ZNF141: variants seen among roughly 807,000 people sequenced by gnomAD.
ZNF141 encodes the protein zinc finger protein 141 (clone pHZ-44).
Under a neutral mutation model 11.3 loss-of-function variants are expected in ZNF141, and 7 were observed. The observed-to-expected ratio is 0.62, with a 90% CI of 0.35 to 1.16. The LOEUF is 1.16. Ranked by LOEUF, ZNF141 falls within the 50% of genes most tolerant of loss-of-function variation. The pLI is 0.02. For missense variants in ZNF141, 535 were observed against 554.0 expected, an observed-to-expected ratio of 0.97 and a Z score of 0.34; for synonymous variants, 183 against 190.7, an observed-to-expected ratio of 0.96 and a Z score of 0.33.
chr4:383,664 G>A lies in ZNF141; in HGVS notation c.*9802G>A, dbSNP rs1245932737. On this transcript the variant is annotated 3_prime_UTR_variant, in exon 4 of 4. Coordinates refer to ENST00000240499, the MANE Select transcript of ZNF141 (RefSeq NM_003441.4). Reference sequence around the variant, plus strand: ...ACCTCATCTACACCCGAGTAGCAAAGGATCGAAGGCGACTGTCGCTACAAC... The same window carrying A: ...ACCTCATCTACACCCGAGTAGCAAAAGATCGAAGGCGACTGTCGCTACAAC... 1 of 153,232 alleles carries A rather than the reference G, an allele frequency of 6.5e-6. No homozygotes were observed. The highest frequency in any genetic ancestry group is 2.4e-5 in the African/African-American group (1 of 41,468). 9.5% of individuals were successfully genotyped at this position (153,232 alleles called of 1,614,324 possible). A position where few individuals can be genotyped will look rare whatever the true frequency, so the allele number is the denominator to read the frequency against.
chr4:373,891 G>A lies in ZNF141; in HGVS notation c.*29G>A, dbSNP rs1553854175. ...AAATCCTACAAATGTAAAGAATGTGGCAAACCTTTGGATGATCCACAAACC... is the reference window on the plus strand; with the variant it reads ...AAATCCTACAAATGTAAAGAATGTGACAAACCTTTGGATGATCCACAAACC... On this transcript the variant is annotated 3_prime_UTR_variant, in exon 4 of 4. Coordinates refer to ENST00000240499, the MANE Select transcript of ZNF141 (RefSeq NM_003441.4). 3.2e-6 allele frequency: 5 copies of A among 1,559,470 alleles called. No homozygotes were observed. The highest frequency in any genetic ancestry group is 1.7e-4 in the Middle Eastern group (1 of 5,832).
chr4:342,827 C>A (rs1170106033), intron 1 of ZNF141: 1 of 1,607,322 alleles, frequency 6.2e-7, no homozygotes, highest in East Asian at 2.2e-5. Context: ...CAAACAGGTC[C>A]CCGAGGCATT....
In ZNF141 at chr4:375,913, T is replaced by G. The variant is rs1581631681; in HGVS notation, c.*2051T>G. 1.3e-5 allele frequency among the ~76,000 whole-genome samples: 2 copies of G among 152,034 alleles called. No homozygotes were observed. Among genetic ancestry groups the G allele is most frequent in the South Asian group, 4.1e-4 (2 of 4,824 alleles). On this transcript the variant is annotated 3_prime_UTR_variant, in exon 4 of 4. Coordinates refer to ENST00000240499, the MANE Select transcript of ZNF141 (RefSeq NM_003441.4). ...TGAAAATCTAGCAGAGAGGCTTTTT[T>G]GTAGTTGACAATATTGAGTGATGCA...
Position 373,459 on chromosome 4 carries a change from G to A in ZNF141, c.1022G>A (p.Cys341Tyr), listed in dbSNP as rs1553853986. The A allele has an allele frequency of 4.3e-6, 7 of 1,614,132 alleles. 1 individual carries two copies. Among genetic ancestry groups the A allele is most frequent in the Admixed American group, 1.7e-5 (1 of 60,016 alleles). ...RIHTGEKPYTCEECGKAFRQS... is the reference protein window; with the variant it reads ...RIHTGEKPYTYEECGKAFRQS... ...CATACTGGAGAGAAACCCTACACAT[G>A]TGAAGAATGTGGCAAAGCTTTTAGA... Residue 341 changes from cysteine to tyrosine, a missense_variant, in exon 4 of 4, where the codon TGT becomes TAT. Physicochemically the swap from Cys to Tyr is radical, Grantham distance 194 (BLOSUM62 -2). Coordinates refer to ENST00000240499, the MANE Select transcript of ZNF141 (RefSeq NM_003441.4).
In ZNF141 at chr4:377,791, T is replaced by C. The variant is rs1712439835; in HGVS notation, c.*3929T>C. Among the ~76,000 whole-genome samples the C allele has an allele frequency of 1.3e-5, 2 of 152,226 alleles. No homozygotes were observed. The highest frequency in any genetic ancestry group is 4.1e-4 in the South Asian group (2 of 4,838). Reference sequence around the variant, plus strand: ...AAAGTTAGAATAAGTAAAACATTAATATAAGTGGGTTGTATATTGTACCAC... The same window carrying C: ...AAAGTTAGAATAAGTAAAACATTAACATAAGTGGGTTGTATATTGTACCAC... On this transcript the variant is annotated 3_prime_UTR_variant, in exon 4 of 4. Coordinates refer to ENST00000240499, the MANE Select transcript of ZNF141 (RefSeq NM_003441.4).
chr4:338,275 C>T, intron 1 of ZNF141: 1 of 394,952 alleles, frequency 2.5e-6, no homozygotes. Flanking sequence ...TGCGCGATGC[C>T]GGCGTGGGAG....
intron 3 of ZNF141, among the ~76,000 whole-genome samples, chr4:359,291 G>T (rs989430860): frequency 6.6e-6 from 1 of 151,422 alleles, no homozygotes; most frequent in Non-Finnish European, 1.5e-5. Flanking sequence ...AATAAGACTG[G>T]TGCTGAGAAA....
At chr4:347,995 C>G (rs1325445583) in intron 3 of ZNF141, among the ~76,000 whole-genome samples, 2 of 151,998 alleles carry the variant, frequency 1.3e-5, no homozygotes, top group Admixed American at 6.6e-5. Flanking sequence ...CAGGCACGTG[C>G]CACCATGCCC....
chr4:368,753 CA>C (rs1413252521), intron 3 of ZNF141, among the ~76,000 whole-genome samples: 20 of 152,098 alleles, frequency 1.3e-4, no homozygotes, highest in Non-Finnish European at 4.4e-5. Context: ...ATACTCATAC[CA>C]AATTGCTTTA....
intron 3 of ZNF141, chr4:350,262 C>T (rs545914048): frequency 7.5e-6 from 4 of 530,338 alleles, no homozygotes; most frequent in East Asian, 5.5e-5. Context: ...AAATAACCCT[C>T]GATCTCTGGC....
intron 1 of ZNF141, among the ~76,000 whole-genome samples, chr4:339,871 A>G (rs1720969539): frequency 6.6e-6 from 1 of 152,318 alleles, no homozygotes; most frequent in Admixed American, 6.5e-5. Context: ...CCTGTCCTGA[A>G]GCTGTGGGAA....
At chr4:342,616 G>A (rs1388063609) in intron 1 of ZNF141, among the ~76,000 whole-genome samples, 1 of 152,170 alleles carries the variant, frequency 6.6e-6, no homozygotes, top group African/African-American at 2.4e-5. Flanking sequence ...GTACAATGAA[G>A]CTTGAGAGGC....
intron 3 of ZNF141, among the ~76,000 whole-genome samples, chr4:345,602 C>T (rs528745035): frequency 6.6e-6 from 1 of 152,006 alleles, no homozygotes; most frequent in East Asian, 1.9e-4. Flanking sequence ...GTGGTGCATT[C>T]CTGTAATCCC....
At chr4:362,720 C>G (rs1268269767) in intron 3 of ZNF141, among the ~76,000 whole-genome samples, 1 of 152,178 alleles carries the variant, frequency 6.6e-6, no homozygotes, top group Non-Finnish European at 1.5e-5. Context: ...GGGCTCTGTT[C>G]TGTTCCATTG....
At chr4:347,729 TTTC>T (rs1425948517) in intron 3 of ZNF141, among the ~76,000 whole-genome samples, 4 of 130,710 alleles carry the variant, frequency 3.1e-5, no homozygotes, top group East Asian at 4.1e-4. Context: ...CTTGTATGTA[TTTC>T]TTCTTTGGGA....
chr4:370,479 T>G (rs1712001162), intron 3 of ZNF141, among the ~76,000 whole-genome samples: 1 of 152,198 alleles, frequency 6.6e-6, no homozygotes. Flanking sequence ...TTTTTAGGAC[T>G]GTTTTACTGG....
At chr4:341,862 G>T (rs1285944964) in intron 1 of ZNF141, among the ~76,000 whole-genome samples, 1 of 152,164 alleles carries the variant, frequency 6.6e-6, no homozygotes, top group Admixed American at 6.5e-5. Flanking sequence ...ATACTTTGGG[G>T]CCTTAAATCT....
chr4:341,804 G>A (rs1047831770), intron 1 of ZNF141, among the ~76,000 whole-genome samples: 6 of 152,248 alleles, frequency 3.9e-5, no homozygotes, highest in African/African-American at 1.4e-4. Flanking sequence ...CAGAGCTGGT[G>A]CCCACAATTT....
In ZNF141 at chr4:373,093, G is replaced by T. The variant is rs201839707; in HGVS notation, c.656G>T (p.Arg219Ile). Residue 219 changes from arginine to isoleucine, a missense_variant, in exon 4 of 4, where the codon AGA becomes ATA. Arg to Ile is a moderately conservative substitution (Grantham distance 97). Transcript: ENST00000240499. ...KWSLIFNEHKRIHTGEKPFTC... is the reference protein window; with the variant it reads ...KWSLIFNEHKIIHTGEKPFTC... Reference sequence around the variant, plus strand: ...TCTTTAATATTTAATGAACATAAGAGAATTCATACTGGAGAGAAACCTTTT... The same window carrying T: ...TCTTTAATATTTAATGAACATAAGATAATTCATACTGGAGAGAAACCTTTT... 4.7e-5 allele frequency: 76 copies of T among 1,613,318 alleles called. No individual in the cohort carries two copies. Among genetic ancestry groups the T allele is most frequent in the Admixed American group, 1.0e-4 (6 of 59,944 alleles).
Sources: gnomAD v4.1 joint callset for allele counts (sites outside exome capture counted in the v4.1 genomes callset) on GRCh38, gnomAD v4.1.1 for gene constraint, MANE v1.5 for transcripts, NCBI Gene and HGNC (gene_info 2026-07-23, HGNC 2026-07-21) for gene names.